OSBP2: variants seen among roughly 807,000 people sequenced by gnomAD.
The protein encoded by OSBP2 is oxysterol binding protein 2.
OSBP2 carries 66 observed loss-of-function variants against 96.0 expected under a neutral mutation model. That is an observed-to-expected ratio of 0.69 (90% CI 0.56 to 0.84). The LOEUF is 0.84. Ranked by LOEUF, OSBP2 falls within the 40% of genes least tolerant of loss-of-function variation. The pLI is 0.00. For missense variants in OSBP2, 1,038 were observed against 1,222.7 expected, an observed-to-expected ratio of 0.85 and a Z score of 2.25; for synonymous variants, 525 against 520.9, an observed-to-expected ratio of 1.01 and a Z score of -0.11.
chr22:30,741,921 G>A (rs1019009011), intron 2 of OSBP2, among the ~76,000 whole-genome samples: 1 of 150,012 alleles, frequency 6.7e-6, no homozygotes, highest in African/African-American at 2.5e-5. Flanking sequence ...CCGTGTTCAA[G>A]CAATTATCCT....
intron 1 of OSBP2, among the ~76,000 whole-genome samples, chr22:30,716,234 G>A (rs2089453778): frequency 6.6e-6 from 1 of 150,946 alleles, no homozygotes; most frequent in African/African-American, 2.4e-5. Context: ...TAGAGATGGG[G>A]TTTTGCCATG....
upstream of OSBP2, chr22:30,694,785 A>G (rs71324179): frequency 1 from 601,811 of 601,852 alleles, 300,886 homozygotes; most frequent in Middle Eastern, 1. Flanking sequence ...AGCGCACGGG[A>G]CCGCGGAGGA....
chr22:30,698,444 T>TC lies in OSBP2; in HGVS notation c.644+2891_644+2892insC, dbSNP rs201933121. Among the ~76,000 whole-genome samples, 25 of 123,064 alleles carry TC rather than the reference T, an allele frequency of 2.0e-4. 1 individual carries two copies. The highest frequency in any genetic ancestry group is 6.1e-4 in the East Asian group (3 of 4,926). 80.7% of individuals were successfully genotyped at this position (123,064 alleles called of 152,430 possible). A position where few individuals can be genotyped will look rare whatever the true frequency, so the allele number is the denominator to read the frequency against. On this transcript the variant is annotated intron_variant, in intron 1 of 13. Transcript: ENST00000332585. ...CTCAACTTTTTAATTTTTCTTTTTC[T>TC]TTTTTTTTTTTTTGAGACAGAGTCT...
At position 30,888,396 on chromosome 22, in the gene OSBP2, G is replaced by C. The variant is rs1602419734; in HGVS notation, c.1418+56G>C. 3 of 1,052,228 alleles carry C rather than the reference G, an allele frequency of 2.9e-6. No individual in the cohort carries two copies. The Admixed American group carries it at 5.1e-5, about 18-fold the overall frequency. 65.2% of individuals were successfully genotyped at this position (1,052,228 alleles called of 1,614,324 possible). On this transcript the variant is annotated intron_variant, in intron 5 of 13. Coordinates refer to ENST00000332585, the MANE Select transcript of OSBP2 (RefSeq NM_030758.4). ...CCCACCCTGGTCTTAGGCTGCATCT[G>C]GTCTTTTCACCAGCTATCTAGTTGT...
intron 1 of OSBP2, among the ~76,000 whole-genome samples, chr22:30,722,124 G>C (rs371245375): frequency 1.3e-5 from 2 of 152,278 alleles, no homozygotes; most frequent in African/African-American, 4.8e-5. Flanking sequence ...CCAGCTCCCA[G>C]CTTCTTGTCT....
chr22:30,874,736 AC>A (rs1387546349), intron 3 of OSBP2, among the ~76,000 whole-genome samples: 1 of 152,010 alleles, frequency 6.6e-6, no homozygotes, highest in Non-Finnish European at 1.5e-5. Flanking sequence ...CTGTGTTTCA[AC>A]CCCCCACGCC....
intron 1 of OSBP2, among the ~76,000 whole-genome samples, chr22:30,696,087 T>G (rs1246922830): frequency 6.6e-6 from 1 of 152,186 alleles, no homozygotes; most frequent in Non-Finnish European, 1.5e-5. Flanking sequence ...ACAGATGTAT[T>G]GGACACGGTT....
intron 2 of OSBP2, among the ~76,000 whole-genome samples, chr22:30,804,532 G>A (rs914365336): frequency 1.3e-5 from 2 of 152,158 alleles, no homozygotes; most frequent in South Asian, 2.1e-4. Context: ...CTGCAGTGGT[G>A]CTGCAGTGCT....
intron 2 of OSBP2, among the ~76,000 whole-genome samples, chr22:30,767,238 A>C (rs1165774734): frequency 2.0e-5 from 3 of 151,272 alleles, no homozygotes; most frequent in African/African-American, 7.3e-5. Context: ...TGAGCCTGGG[A>C]GGCAAAGGTT....
At position 30,893,962 on chromosome 22, in the gene OSBP2, C is replaced by A; in HGVS notation, c.2336C>A (p.Thr779Asn). ...GGGAAGCAGAAGACAGTGTACCAGA[C>A]CCTGTCAGCCAAGCTGCTGTGGAAG... ...SDGKQKTVYQ[T>N]LSAKLLWKKY... The change falls in exon 12 of 14, where the codon ACC becomes AAC. Residue 779 changes from threonine (T) to asparagine (N), a missense_variant. Physicochemically the swap from Thr to Asn is moderately conservative, Grantham distance 65 (BLOSUM62 0). Coordinates refer to ENST00000332585, the MANE Select transcript of OSBP2 (RefSeq NM_030758.4). 6.3e-7 allele frequency: 1 copy of A among 1,599,896 alleles called. No individual in the cohort carries two copies. The highest frequency in any genetic ancestry group is 8.5e-7 in the Non-Finnish European group (1 of 1,173,692).
chr22:30,802,488 G>A (rs927238737), intron 2 of OSBP2, among the ~76,000 whole-genome samples: 1 of 152,234 alleles, frequency 6.6e-6, no homozygotes, highest in Non-Finnish European at 1.5e-5. Flanking sequence ...CTCCCCTGCT[G>A]GGTCCAGGCA....
At chr22:30,867,065 G>T (rs2039354709) in intron 2 of OSBP2, among the ~76,000 whole-genome samples, 1 of 152,178 alleles carries the variant, frequency 6.6e-6, no homozygotes. Context: ...GTGTGTGTGG[G>T]TATGCATGGG....
At chr22:30,897,853 G>C (rs1650900714) in intron 12 of OSBP2, among the ~76,000 whole-genome samples, 1 of 151,814 alleles carries the variant, frequency 6.6e-6, no homozygotes, top group Admixed American at 6.6e-5. Context: ...GGGAGGCTGA[G>C]GTAAGAGAAT....
Position 30,870,296 on chromosome 22 carries a change from G to T in OSBP2, c.854-133G>T. ...GGCACCTCACCCCGGCCAGGAACAG[G>T]AACGGGCACCATCTCGGGGACTGAT... On this transcript the variant is annotated intron_variant, in intron 2 of 13. Coordinates refer to ENST00000332585, the MANE Select transcript of OSBP2 (RefSeq NM_030758.4). The surrounding 1 kb of genome is among the most constrained non-coding windows in gnomAD (Gnocchi z 4.1). 1.0e-6 allele frequency: 1 copy of T among 952,446 alleles called. No individual in the cohort carries two copies. The highest frequency in any genetic ancestry group is 1.6e-6 in the Non-Finnish European group (1 of 640,970). 59.0% of individuals were successfully genotyped at this position (952,446 alleles called of 1,614,324 possible).
At chr22:30,817,337 T>G (rs1045468754) in intron 2 of OSBP2, among the ~76,000 whole-genome samples, 5 of 152,190 alleles carry the variant, frequency 3.3e-5, no homozygotes, top group Non-Finnish European at 5.9e-5. Context: ...GCTTCTCCCC[T>G]GTGGGCCCCA....
intron 2 of OSBP2, chr22:30,773,360 C>T (rs915892237): frequency 6.6e-6 from 1 of 152,546 alleles, no homozygotes; most frequent in Admixed American, 6.6e-5. Context: ...GCCTTTTTAT[C>T]CAGGACACCC....
At chr22:30,845,113 C>A (rs1402414141) in intron 2 of OSBP2, among the ~76,000 whole-genome samples, 2 of 152,166 alleles carry the variant, frequency 1.3e-5, no homozygotes, top group African/African-American at 4.8e-5. Context: ...TCTCTGATAA[C>A]AGATCATCAT....
chr22:30,712,357 C>T (rs1051007300), intron 1 of OSBP2, among the ~76,000 whole-genome samples: 20 of 152,128 alleles, frequency 1.3e-4, no homozygotes, highest in African/African-American at 4.3e-4. Context: ...TGTGCTCAAG[C>T]CTTCCCACCT....
rs1569100725 is a variant in OSBP2, at chr22:30,730,805, TATA to T, written c.645-10353_645-10351del. On this transcript the variant is annotated intron_variant, in intron 1 of 13. Transcript: ENST00000332585. The stretch of plus-strand genomic sequence containing the variant: ...ATATATATATATATATATATATATA[TATA>T]ATTTTTTTTTTTTTTCCCATGGACA... Among the ~76,000 whole-genome samples the T allele has an allele frequency of 3.2e-3, 148 of 46,310 alleles. 17 individuals are homozygous for T. Among genetic ancestry groups the T allele is most frequent in the South Asian group, 4.2e-3 (5 of 1,196 alleles). 30.4% of individuals were successfully genotyped at this position (46,310 alleles called of 152,430 possible).
Sources: gnomAD v4.1 joint callset for allele counts (sites outside exome capture counted in the v4.1 genomes callset) on GRCh38, gnomAD v4.1.1 for gene constraint, Gnocchi (gnomAD v3.1) non-coding constraint, MANE v1.5 for transcripts, NCBI Gene and HGNC (gene_info 2026-07-23, HGNC 2026-07-21) for gene names.